FSTL5: variants seen among roughly 807,000 people sequenced by gnomAD.
FSTL5 encodes the protein follistatin-related protein 5.
FSTL5 carries 62 observed loss-of-function variants against 89.1 expected under a neutral mutation model. The ratio of observed to expected loss-of-function variants is 0.70; its 90% CI spans 0.57 to 0.86. FSTL5 has a LOEUF of 0.86. Ranked by LOEUF, FSTL5 falls within the 40% of genes least tolerant of loss-of-function variation. The pLI is 0.00. For missense variants in FSTL5, 1,057 were observed against 1,001.6 expected, an observed-to-expected ratio of 1.06 and a Z score of -0.75; for synonymous variants, 383 against 346.2, an observed-to-expected ratio of 1.11 and a Z score of -1.18.
Position 162,149,153 on chromosome 4 carries a change from T to G in FSTL5, c.-17+14462A>C, listed in dbSNP as rs191066896. ...TCTGAATGTTATCTGTTTAGAATTA[T>G]CATCAAATCTGGAAGTGTTGAGTAA... On this transcript the variant is annotated intron_variant, in intron 1 of 15. Transcript: ENST00000306100. Among the ~76,000 whole-genome samples, 24 of 152,262 alleles carry G rather than the reference T, an allele frequency of 1.6e-4. 1 individual carries two copies. The Middle Eastern group carries it at 0.01, about 65-fold the overall frequency.
chr4:161,622,557 GTA>G (rs536947353), intron 7 of FSTL5, among the ~76,000 whole-genome samples: 7 of 150,278 alleles, frequency 4.7e-5, no homozygotes, highest in Admixed American at 6.7e-5. Flanking sequence ...TTACATATGT[GTA>G]TATATATATA....
chr4:162,076,764 C>G (rs1729863253), intron 2 of FSTL5, among the ~76,000 whole-genome samples: 1 of 151,794 alleles, frequency 6.6e-6, no homozygotes, highest in Non-Finnish European at 1.5e-5. Context: ...ATGAGAGGCC[C>G]AAACAGGTTC....
At chr4:162,083,034 A>G (rs1442771443) in intron 2 of FSTL5, among the ~76,000 whole-genome samples, 2 of 151,682 alleles carry the variant, frequency 1.3e-5, no homozygotes, top group African/African-American at 4.8e-5. Context: ...GATATCAGTA[A>G]AACCAGCTGC....
intron 7 of FSTL5, among the ~76,000 whole-genome samples, chr4:161,629,018 G>T (rs1283238550): frequency 6.6e-6 from 1 of 152,186 alleles, no homozygotes; most frequent in Non-Finnish European, 1.5e-5. Flanking sequence ...AGGAGCTAAA[G>T]CAACACATCT....
intron 4 of FSTL5, among the ~76,000 whole-genome samples, chr4:161,909,610 A>G (rs2110824103): frequency 6.6e-6 from 1 of 152,136 alleles, no homozygotes; most frequent in Middle Eastern, 3.4e-3. Flanking sequence ...TTCATTTCTT[A>G]TTTCATAGAG....
chr4:161,663,743 CTG>C (rs1375870933), intron 6 of FSTL5, among the ~76,000 whole-genome samples: 2 of 152,182 alleles, frequency 1.3e-5, no homozygotes, highest in Non-Finnish European at 2.9e-5. Flanking sequence ...AGTAGAGACT[CTG>C]TGTGGGGGCT....
At chr4:161,519,111 G>T (rs1391160601) in intron 10 of FSTL5, among the ~76,000 whole-genome samples, 1 of 152,164 alleles carries the variant, frequency 6.6e-6, no homozygotes, top group African/African-American at 2.4e-5. Flanking sequence ...CCTGGCATCG[G>T]AAGACACTCA....
At chr4:161,901,891 C>T (rs9684670) in intron 4 of FSTL5, among the ~76,000 whole-genome samples, 125,323 of 151,778 alleles carry the variant, frequency 0.83, 52,379 homozygotes, top group Non-Finnish European at 0.89. Context: ...GCCAAGATCG[C>T]GCCCTGGCAC....
intron 4 of FSTL5, among the ~76,000 whole-genome samples, chr4:161,836,005 A>G (rs868184387): frequency 1.9e-4 from 29 of 152,230 alleles, no homozygotes; most frequent in Admixed American, 4.6e-4. Context: ...ACATGCACAC[A>G]TATGTTTATT....
chr4:161,684,583 A>G (rs116222394), intron 6 of FSTL5, among the ~76,000 whole-genome samples: 581 of 152,156 alleles, frequency 3.8e-3, no homozygotes, highest in African/African-American at 0.013. Flanking sequence ...AGAATACCCT[A>G]TTCATGTCCT....
intron 3 of FSTL5, among the ~76,000 whole-genome samples, chr4:161,999,842 C>A (rs1162833912): frequency 6.6e-6 from 1 of 152,142 alleles, no homozygotes; most frequent in South Asian, 2.1e-4. Context: ...ACATGAAAAC[C>A]ATCAAAGTCA....
At chr4:161,858,852 G>A (rs1470509970) in intron 4 of FSTL5, among the ~76,000 whole-genome samples, 5 of 151,916 alleles carry the variant, frequency 3.3e-5, no homozygotes, top group African/African-American at 4.8e-5. Context: ...ACAAACTTTT[G>A]TTAAACCCCA....
At chr4:161,671,272 C>G (rs1004835705) in intron 6 of FSTL5, among the ~76,000 whole-genome samples, 1 of 152,122 alleles carries the variant, frequency 6.6e-6, no homozygotes, top group Non-Finnish European at 1.5e-5. Flanking sequence ...GCAAATGTTC[C>G]CATGGACCTA....
chr4:161,635,427 C>T (rs1025781329), intron 7 of FSTL5, among the ~76,000 whole-genome samples: 9 of 151,790 alleles, frequency 5.9e-5, no homozygotes, highest in African/African-American at 1.7e-4. Flanking sequence ...ACCTGCTATA[C>T]AAAATGTCAA....
intron 4 of FSTL5, among the ~76,000 whole-genome samples, chr4:161,863,066 T>G (rs776876302): frequency 2.0e-5 from 3 of 152,190 alleles, no homozygotes; most frequent in Middle Eastern, 3.2e-3. Context: ...AGTAACAAAA[T>G]AGTCTTCCAT....
chr4:161,614,089 AT>A (rs1438297199), intron 7 of FSTL5, among the ~76,000 whole-genome samples: 1 of 152,162 alleles, frequency 6.6e-6, no homozygotes, highest in African/African-American at 2.4e-5. Flanking sequence ...AATTTATTTA[AT>A]CTCCCTAAAG....
chr4:162,044,134 A>T (rs1350785724), intron 2 of FSTL5, among the ~76,000 whole-genome samples: 1 of 152,210 alleles, frequency 6.6e-6, no homozygotes, highest in African/African-American at 2.4e-5. Flanking sequence ...CCAGATCCAG[A>T]TCCATCAGAG....
At chr4:162,157,941 T>A (rs1279999066) in intron 1 of FSTL5, among the ~76,000 whole-genome samples, 1 of 152,138 alleles carries the variant, frequency 6.6e-6, no homozygotes, top group African/African-American at 2.4e-5. Flanking sequence ...TGCAATTAGA[T>A]AGAAACAATA....
chr4:161,797,417 T>C (rs1439153644), intron 4 of FSTL5, among the ~76,000 whole-genome samples: 1 of 151,662 alleles, frequency 6.6e-6, no homozygotes. Context: ...AACCACTTAT[T>C]GATATTCAGT....
Sources: gnomAD v4.1 joint callset for allele counts (sites outside exome capture counted in the v4.1 genomes callset) on GRCh38, gnomAD v4.1.1 for gene constraint, MANE v1.5 for transcripts, NCBI Gene and HGNC (gene_info 2026-07-23, HGNC 2026-07-21) for gene names.